The following ATXN1 variants were observed in gnomAD, a reference collection of about 807,000 sequenced individuals.
ATXN1 encodes ataxin 1.
A neutral mutation model predicts 56.4 loss-of-function variants in ATXN1; 8 were observed. That is an observed-to-expected ratio of 0.14 (90% CI 0.08 to 0.26). The LOEUF (loss-of-function observed/expected upper bound fraction) is 0.26. Among genes scored for constraint, ATXN1 ranks in the 10% least tolerant of loss-of-function variants. The pLI is 1.00. For missense variants in ATXN1, 987 were observed against 1,106.5 expected, an observed-to-expected ratio of 0.89 and a Z score of 1.53; for synonymous variants, 514 against 494.6, an observed-to-expected ratio of 1.04 and a Z score of -0.52.
chr6:16,482,356 C>T (rs2113651750), intron 6 of ATXN1, among the ~76,000 whole-genome samples: 1 of 152,282 alleles, frequency 6.6e-6, no homozygotes, highest in East Asian at 1.9e-4. Flanking sequence ...TTTTGCAGAG[C>T]TTGCAGACTA....
At chr6:16,694,397 G>C (rs1420755228) in intron 2 of ATXN1, among the ~76,000 whole-genome samples, 1 of 152,006 alleles carries the variant, frequency 6.6e-6, no homozygotes, top group African/African-American at 2.4e-5. Context: ...GGGATTACAG[G>C]TGTGTGCCAC....
At chr6:16,745,529 T>C (rs917607921) in intron 2 of ATXN1, among the ~76,000 whole-genome samples, 1 of 152,224 alleles carries the variant, frequency 6.6e-6, no homozygotes, top group Non-Finnish European at 1.5e-5. Flanking sequence ...AAAATGAACT[T>C]GATTTATGGA....
chr6:16,466,266 C>T (rs1020510995), intron 6 of ATXN1, among the ~76,000 whole-genome samples: 3 of 133,886 alleles, frequency 2.2e-5, no homozygotes, highest in African/African-American at 5.8e-5. Flanking sequence ...TGCAGTGAGC[C>T]GAGATTGCGC....
At chr6:16,367,294 T>C (rs1761940019) in intron 6 of ATXN1, among the ~76,000 whole-genome samples, 1 of 152,160 alleles carries the variant, frequency 6.6e-6, no homozygotes, top group Non-Finnish European at 1.5e-5. Context: ...GCTAAGTTAT[T>C]GTGTTTATAT....
chr6:16,726,024 C>T (rs1302235766), intron 2 of ATXN1, among the ~76,000 whole-genome samples: 1 of 152,164 alleles, frequency 6.6e-6, no homozygotes, highest in Non-Finnish European at 1.5e-5. Context: ...TAATATAGAA[C>T]TCAATCACCA....
chr6:16,708,676 A>G (rs1759458694), intron 2 of ATXN1, among the ~76,000 whole-genome samples: 1 of 152,170 alleles, frequency 6.6e-6, no homozygotes, highest in South Asian at 2.1e-4. Flanking sequence ...CAATCTTAAA[A>G]GTGTGTGTAC....
intron 6 of ATXN1, among the ~76,000 whole-genome samples, chr6:16,366,960 CTTTGACT>C (rs1761933903): frequency 6.6e-6 from 1 of 152,014 alleles, no homozygotes; most frequent in Non-Finnish European, 1.5e-5. Flanking sequence ...TTTTATATTT[CTTTGACT>C]TTTAAGAACA....
intron 2 of ATXN1, chr6:16,667,243 C>G (rs944597777): frequency 6.6e-6 from 1 of 152,226 alleles, no homozygotes; most frequent in Non-Finnish European, 1.5e-5. Context: ...CAAAGATTCT[C>G]TATCTCCTCA....
At chr6:16,357,229 T>A (rs1353509212) in intron 6 of ATXN1, among the ~76,000 whole-genome samples, 1 of 88,130 alleles carries the variant, frequency 1.1e-5, no homozygotes, top group African/African-American at 4.9e-5. Context: ...TTTATTTTAT[T>A]ATTTTTTATT....
chr6:16,613,612 C>A (rs1763153821), intron 3 of ATXN1, among the ~76,000 whole-genome samples: 2 of 151,790 alleles, frequency 1.3e-5, no homozygotes, highest in African/African-American at 4.8e-5. Context: ...TTGCTCAAGG[C>A]AGGAGTTTGA....
rs1762057744 is a variant in ATXN1, at chr6:16,558,531, G to T, written c.-361+27249C>A. Among the ~76,000 whole-genome samples, 4 of 151,934 alleles carry T rather than the reference G, an allele frequency of 2.6e-5. No individual in the cohort carries two copies. The South Asian group carries it at 8.3e-4, about 32-fold the overall frequency. On this transcript the variant is annotated intron_variant, in intron 4 of 7. Coordinates refer to ENST00000436367, the MANE Select transcript of ATXN1 (RefSeq NM_001128164.2). ...AAACAGGCGTGCGCCACCATGTTTG[G>T]CTATTTATTATTATTATTATGTAAA...
At chr6:16,439,173 C>T (rs1581762543) in intron 6 of ATXN1, among the ~76,000 whole-genome samples, 1 of 151,716 alleles carries the variant, frequency 6.6e-6, no homozygotes, top group East Asian at 1.9e-4. Flanking sequence ...TGAAGGGCCT[C>T]CAAGAATTTA....
At chr6:16,556,470 C>G (rs1581842295) in intron 4 of ATXN1, among the ~76,000 whole-genome samples, 1 of 152,242 alleles carries the variant, frequency 6.6e-6, no homozygotes, top group Non-Finnish European at 1.5e-5. Context: ...ACTTCCCACT[C>G]ATAAACTCCT....
chr6:16,656,506 A>T (rs1329745207), intron 3 of ATXN1, among the ~76,000 whole-genome samples: 1 of 152,148 alleles, frequency 6.6e-6, no homozygotes, highest in Non-Finnish European at 1.5e-5. Flanking sequence ...ATAAAAAAAA[A>T]ATTCCTGGAA....
intron 4 of ATXN1, among the ~76,000 whole-genome samples, chr6:16,579,052 G>C (rs922805836): frequency 1.5e-4 from 23 of 152,162 alleles, no homozygotes; most frequent in African/African-American, 5.5e-4. Context: ...CTACTTCCCA[G>C]CTGCCAAATT....
rs560761359 is a variant in ATXN1, at chr6:16,614,377, T to C, written c.-488-28470A>G. Among the ~76,000 whole-genome samples the C allele has an allele frequency of 1.3e-4, 20 of 151,980 alleles. No individual in the cohort carries two copies. The South Asian group carries it at 4.2e-3, about 32-fold the overall frequency. The stretch of plus-strand genomic sequence containing the variant: ...AGCTCTACCTCTTGGTGGGCCCCAG[T>C]GTACTTCAGCATGATCTCAGTTCTT... On this transcript the variant is annotated intron_variant, in intron 3 of 7. Transcript: ENST00000436367.
chr6:16,659,081 G>A (rs986383714), intron 2 of ATXN1, among the ~76,000 whole-genome samples: 10 of 152,132 alleles, frequency 6.6e-5, no homozygotes, highest in African/African-American at 9.7e-5. Flanking sequence ...AAATTCCTGG[G>A]AACACTAAAA....
chr6:16,387,509 G>T (rs879371637), intron 6 of ATXN1, among the ~76,000 whole-genome samples: 11 of 152,166 alleles, frequency 7.2e-5, no homozygotes, highest in Non-Finnish European at 1.3e-4. Flanking sequence ...CAAGGCAGGG[G>T]TTACCCTCCC....
chr6:16,588,876 T>C (rs1762673893), intron 3 of ATXN1, among the ~76,000 whole-genome samples: 1 of 152,182 alleles, frequency 6.6e-6, no homozygotes, highest in Non-Finnish European at 1.5e-5. Flanking sequence ...ATTGGATTCA[T>C]CTGTAAATCG....
Sources: allele counts gnomAD v4.1 joint callset (sites outside exome capture counted in the v4.1 genomes callset), GRCh38; gene constraint gnomAD v4.1.1; transcripts MANE v1.5; gene names NCBI Gene and HGNC (gene_info 2026-07-23, HGNC 2026-07-21).